The following SI variants were observed in gnomAD, a reference collection of about 807,000 sequenced individuals.
SI encodes the protein sucrase-isomaltase.
SI carries 235 observed loss-of-function variants against 253.3 expected under a neutral mutation model. That is an observed-to-expected ratio of 0.93 (90% CI 0.83 to 1.03). SI has a LOEUF of 1.03. Among genes scored for constraint, SI ranks in the 50% least tolerant of loss-of-function variants. The pLI, the probability that SI is intolerant of heterozygous loss-of-function variation, is 0.00. For synonymous variants in SI, 819 were observed against 712.0 expected, an observed-to-expected ratio of 1.15 and a Z score of -2.39; for missense variants, 2,442 against 2,211.1, an observed-to-expected ratio of 1.10 and a Z score of -2.09.
intron 35 of SI, among the ~76,000 whole-genome samples, chr3:165,008,660 A>G (rs1718629800): frequency 6.6e-6 from 1 of 152,020 alleles, no homozygotes; most frequent in Non-Finnish European, 1.5e-5. Context: ...ATATCTACAA[A>G]GTTTCCACAT....
rs533933847 is a variant in SI, at chr3:165,004,899, G to A, written c.4406+1917C>T. On this transcript the variant is annotated intron_variant, in intron 37 of 47. Transcript: ENST00000264382. Reference sequence around the variant, plus strand: ...AGGGATTGCAATCCCCACCTGTCAAGGGAGCGACCTGGTGGGAGGTGATTC... The same window carrying A: ...AGGGATTGCAATCCCCACCTGTCAAAGGAGCGACCTGGTGGGAGGTGATTC... Among the ~76,000 whole-genome samples the A allele has an allele frequency of 1.2e-4, 19 of 152,206 alleles. No individual in the cohort carries two copies. In the South Asian group the frequency reaches 1.9e-3, roughly 15 times the overall value.
intron 47 of SI, among the ~76,000 whole-genome samples, chr3:164,980,032 A>C (rs919755967): frequency 5.9e-5 from 9 of 151,786 alleles, no homozygotes; most frequent in African/African-American, 2.2e-4. Flanking sequence ...CGATTTCAGG[A>C]GACTTTACCA....
chr3:165,041,051 T>A lies in SI; in HGVS notation c.2048A>T (p.Lys683Ile), dbSNP rs771750310. The change falls in exon 18 of 48, where the codon AAA becomes ATA. Residue 683 changes from lysine (K) to isoleucine (I), a missense_variant. Physicochemically the swap from Lys to Ile is moderately radical, Grantham distance 102. Coordinates refer to ENST00000264382, the MANE Select transcript of SI (RefSeq NM_001041.4). ...AATAGTTAAATACTGCCTTGATGAT[T>A]TAACCAAAAGTGAATTCTGCCCAAA... ...AFFGQNSLLVKSSRQYLTIRY... is the reference protein window; with the variant it reads ...AFFGQNSLLVISSRQYLTIRY... 4 of 1,612,798 alleles carry A rather than the reference T, an allele frequency of 2.5e-6. No individual in the cohort carries two copies. The highest frequency in any genetic ancestry group is 2.5e-6 in the Non-Finnish European group (3 of 1,179,286).
intron 24 of SI, among the ~76,000 whole-genome samples, chr3:165,031,772 G>T (rs12494468): frequency 6.6e-6 from 1 of 150,668 alleles, no homozygotes; most frequent in Non-Finnish European, 1.5e-5. Context: ...AATTGCTTTC[G>T]TGTTTTTAAA....
chr3:165,046,931 C>G lies in SI; in HGVS notation c.1797G>C (p.Ala599=). 3 of 1,612,316 alleles carry G rather than the reference C, an allele frequency of 1.9e-6. No homozygotes were observed. In the South Asian group the frequency reaches 3.3e-5, roughly 18 times the overall value. Residue 599 remains alanine, a synonymous_variant, in exon 16 of 48, where the codon GCG becomes GCC. Transcript: ENST00000264382. ...STFAGSGRHA[A]HWLGDNTASW... ...AAGCAGTATTGTCTCCTAACCAATGCGCAGCATGTCTTCCAGATCCAGCAA... is the reference window on the plus strand; with the variant it reads ...AAGCAGTATTGTCTCCTAACCAATGGGCAGCATGTCTTCCAGATCCAGCAA...
At chr3:165,059,372 A>G in intron 10 of SI, 73 bp from the exon 11 acceptor site, 1 of 1,386,236 alleles carries the variant, frequency 7.2e-7, no homozygotes, top group South Asian at 1.2e-5. Flanking sequence ...CTTTAACTCC[A>G]TTGAACGTGT....
chr3:164,981,998 T>C (rs1461624469), intron 47 of SI, among the ~76,000 whole-genome samples: 1 of 152,136 alleles, frequency 6.6e-6, no homozygotes, highest in Non-Finnish European at 1.5e-5. Context: ...TATTTAAAGT[T>C]TTAAGTTAAT....
chr3:165,022,491 A>T (rs1439902508), intron 26 of SI, among the ~76,000 whole-genome samples: 1 of 149,850 alleles, frequency 6.7e-6, no homozygotes, highest in Admixed American at 6.7e-5. Context: ...TTAATTTGTG[A>T]ACCTTTCTTC....
intron 3 of SI, among the ~76,000 whole-genome samples, chr3:165,073,170 T>TTCTC (rs59796544): frequency 1.6e-3 from 206 of 132,012 alleles, no homozygotes; most frequent in South Asian, 3.8e-3. Flanking sequence ...CTTCAATCAT[T>TTCTC]TCTCTCTCTC....
intron 13 of SI, among the ~76,000 whole-genome samples, chr3:165,053,478 T>C (rs1298271609): frequency 6.6e-6 from 1 of 152,168 alleles, no homozygotes; most frequent in African/African-American, 2.4e-5. Flanking sequence ...AGATAAGTAA[T>C]AGCTAAAAGT....
At chr3:164,993,342 A>G (rs979425291) in intron 41 of SI, among the ~76,000 whole-genome samples, 1 of 151,660 alleles carries the variant, frequency 6.6e-6, no homozygotes, top group African/African-American at 2.4e-5. Context: ...TAATAAAGCA[A>G]CCAGAACATA....
the SI span, among the ~76,000 whole-genome samples, chr3:165,084,569 A>G: frequency 2.6e-5 from 4 of 152,004 alleles, no homozygotes; most frequent in Admixed American, 1.3e-4. Flanking sequence ...ATGAAAATGA[A>G]TGTCTGAGAA....
chr3:165,027,113 T>C (rs1455635823), intron 25 of SI, among the ~76,000 whole-genome samples: 1 of 151,300 alleles, frequency 6.6e-6, no homozygotes, highest in East Asian at 1.9e-4. Context: ...ATAAGCTCAA[T>C]TAGAAATGAA....
chr3:165,081,817 A>G (rs1042983607), upstream of SI, among the ~76,000 whole-genome samples: 1 of 151,900 alleles, frequency 6.6e-6, no homozygotes, highest in Non-Finnish European at 1.5e-5. Flanking sequence ...TAAAAAGGGA[A>G]GCCAAGGTTC....
rs1403599778 is a variant in SI at position 165,068,747 on chromosome 3, TG to T, written c.457del (p.Gln153ArgfsTer25). On this transcript the variant is annotated frameshift_variant, in exon 5 of 48. Coordinates refer to ENST00000264382, the MANE Select transcript of SI (RefSeq NM_001041.4). LOFTEE classifies it high-confidence loss of function. ...INSVLFTTQN[Q>X]TPNRFRFKIT... Reference sequence around the variant, plus strand: ...CTTGAACCGGAAACGATTGGGTGTCTGATTTTGAGTTGTGAAGAGAACACTG... The same window carrying T: ...CTTGAACCGGAAACGATTGGGTGTCTATTTTGAGTTGTGAAGAGAACACTG... 1.2e-6 allele frequency: 2 copies of T among 1,613,586 alleles called. No individual in the cohort carries two copies. The highest frequency in any genetic ancestry group is 1.7e-5 in the Admixed American group (1 of 59,998).
the SI span, among the ~76,000 whole-genome samples, chr3:165,085,909 C>T: frequency 6.6e-6 from 1 of 152,058 alleles, no homozygotes; most frequent in Non-Finnish European, 1.5e-5. Flanking sequence ...TGACATCAGA[C>T]TAATAGTTGG....
At chr3:165,032,491 T>G (rs375859875) in intron 24 of SI, 31 bp downstream of exon 24, 2 of 1,430,356 alleles carry the variant, frequency 1.4e-6, no homozygotes, top group Non-Finnish European at 9.8e-7. Flanking sequence ...GATTATATGA[T>G]AGCTAAAATA....
At chr3:165,054,132 GA>G (rs1713570897) in intron 13 of SI, among the ~76,000 whole-genome samples, 1 of 152,046 alleles carries the variant, frequency 6.6e-6, no homozygotes, top group African/African-American at 2.4e-5. Flanking sequence ...CTAACTAAAT[GA>G]TTGATTGATT....
chr3:164,991,507 T>A (rs752417900), intron 43 of SI, 30 bp from the exon 44 acceptor site: 28 of 1,612,450 alleles, frequency 1.7e-5, no homozygotes, highest in Non-Finnish European at 2.1e-5. Flanking sequence ...AAAGAACAGG[T>A]GGAGCAAGAA....
Sources: gnomAD v4.1 joint callset for allele counts (sites outside exome capture counted in the v4.1 genomes callset) on GRCh38, gnomAD v4.1.1 for gene constraint, MANE v1.5 for transcripts, NCBI Gene and HGNC (gene_info 2026-07-23, HGNC 2026-07-21) for gene names.